Variants in UBA3 observed in about 807,000 individuals in gnomAD.
The protein encoded by UBA3 is NEDD8-activating enzyme E1 catalytic subunit.
UBA3 carries 26 observed loss-of-function variants against 73.5 expected under a neutral mutation model. The ratio of observed to expected loss-of-function variants is 0.35; its 90% CI spans 0.26 to 0.49. The LOEUF is 0.49. UBA3 is among the 20% of genes least tolerant of loss of function. UBA3 has a pLI of 0.98. For missense variants in UBA3, 495 were observed against 555.6 expected (o/e 0.89, Z 1.10); for synonymous variants, 217 against 191.2 (o/e 1.13, Z -1.11).
At chr3:69,057,212 TAAAG>T in intron 12 of UBA3, 40 bp downstream of exon 12, 1 of 1,593,106 alleles carries the variant, frequency 6.3e-7, no homozygotes, top group Non-Finnish European at 8.5e-7. Context: ...CGTCAAAAAC[TAAAG>T]AAAGCAAAAT....
At chr3:69,066,388 G>A (rs761903029) in intron 6 of UBA3, among the ~76,000 whole-genome samples, 34 of 151,912 alleles carry the variant, frequency 2.2e-4, no homozygotes, top group Non-Finnish European at 4.0e-4. Context: ...TGCTTTTGAC[G>A]TGGCCTAAGC....
At chr3:69,078,690 C>A (rs2092191199) in intron 2 of UBA3, among the ~76,000 whole-genome samples, 1 of 152,144 alleles carries the variant, frequency 6.6e-6, no homozygotes, top group South Asian at 2.1e-4. Flanking sequence ...ACAGGCTGGT[C>A]TGAAACTCCT....
At chr3:69,061,638 A>T in intron 11 of UBA3, 176 bp downstream of exon 11, 1 of 496,636 alleles carries the variant, frequency 2.0e-6, no homozygotes, top group East Asian at 3.1e-5. Context: ...TAAGTAAGTA[A>T]GATTCAATAA....
At chr3:69,064,897 AAAGC>A (rs2092055751) in intron 6 of UBA3, among the ~76,000 whole-genome samples, 1 of 152,226 alleles carries the variant, frequency 6.6e-6, no homozygotes, top group African/African-American at 2.4e-5. Context: ...AAATTTTTTA[AAAGC>A]AATACAGAGA....
intron 1 of UBA3, 40 bp downstream of exon 1, chr3:69,080,294 C>A: frequency 6.2e-7 from 1 of 1,602,564 alleles, no homozygotes; most frequent in Non-Finnish European, 8.5e-7. Flanking sequence ...CTCTCACAAC[C>A]CAGCCCAGCC....
At chr3:69,079,306 A>C (rs2092197814) in intron 2 of UBA3, among the ~76,000 whole-genome samples, 1 of 152,256 alleles carries the variant, frequency 6.6e-6, no homozygotes, top group African/African-American at 2.4e-5. Context: ...AAAGGCAGGA[A>C]AGAATGTGAA....
chr3:69,080,201 C>A (rs766678881), intron 1 of UBA3, 48 bp from the exon 2 acceptor site: 1 of 1,514,620 alleles, frequency 6.6e-7, no homozygotes, highest in Admixed American at 1.7e-5. Flanking sequence ...ACACACTGGG[C>A]GCCGCGAGGG....
rs2092206350 is a variant in UBA3, at chr3:69,080,153, C to T, written c.21G>A (p.Pro7=). Reference sequence around the variant, plus strand: ...CCTCTATTCTCCTTCTTTTCTTCTCCCTAAAAGAGAGAATAAAAGAAGGGT... The same window carrying T: ...CCTCTATTCTCCTTCTTTTCTTCTCTCTAAAAGAGAGAATAAAAGAAGGGT... The part of the protein sequence containing the change: MADGEE[P]EKKRRRIEEL... The change falls in exon 2 of 18, where the codon CCG becomes CCA. Residue 7 remains proline (P), a splice_region_variant and synonymous_variant. Coordinates refer to ENST00000361055, the MANE Select transcript of UBA3 (RefSeq NM_003968.4). The T allele has an allele frequency of 6.2e-7, 1 of 1,609,340 alleles. No individual in the cohort carries two copies. The highest frequency in any genetic ancestry group is 8.5e-7 in the Non-Finnish European group (1 of 1,178,904).
rs2091963415 is a variant in UBA3, at chr3:69,055,301, G to A, written c.*136C>T. On this transcript the variant is annotated 3_prime_UTR_variant, in exon 18 of 18. Coordinates refer to ENST00000361055, the MANE Select transcript of UBA3 (RefSeq NM_003968.4). The stretch of plus-strand genomic sequence containing the variant: ...TCTGTCTTCAAGGGAAGGTTACAAA[G>A]TTAAAAAAGAGTGGTTCATTATATA... 4 of 525,030 alleles carry A rather than the reference G, an allele frequency of 7.6e-6. No individual in the cohort carries two copies. Among genetic ancestry groups the A allele is most frequent in the South Asian group, 4.6e-5 (1 of 21,656 alleles). The allele number at this position is 525,030 out of a possible 1,614,324, so 32.5% of individuals were successfully genotyped here.
intron 2 of UBA3, chr3:69,079,805 T>G: frequency 2.5e-6 from 1 of 396,828 alleles, no homozygotes; most frequent in Non-Finnish European, 4.5e-6. Flanking sequence ...GCTCTGACAA[T>G]TTGGGATGGA....
Position 69,061,885 on chromosome 3 carries a change from C to A in UBA3, c.839G>T (p.Trp280Leu). ...LDGDDPEHIQ[W>L]IFQKSLERAS... Reference sequence around the variant, plus strand: ...TCTCTCTAGGGATTTTTGGAAAATCCATTGTATATGTTCAGGATCATCTCC... The same window carrying A: ...TCTCTCTAGGGATTTTTGGAAAATCAATTGTATATGTTCAGGATCATCTCC... Residue 280 changes from tryptophan to leucine, a missense_variant, in exon 11 of 18, where the codon TGG becomes TTG. Transcript: ENST00000361055. The A allele has an allele frequency of 6.2e-7, 1 of 1,609,540 alleles. No homozygotes were observed. The highest frequency in any genetic ancestry group is 8.5e-7 in the Non-Finnish European group (1 of 1,178,346).
chr3:69,055,972 A>T (rs199673266), intron 16 of UBA3, 28 bp downstream of exon 16: 24 of 1,597,724 alleles, frequency 1.5e-5, no homozygotes, highest in Admixed American at 7.1e-5. Flanking sequence ...TAATTTTCTG[A>T]AAAAAATTTA....
At chr3:69,069,120 T>C (rs2092099891) in intron 5 of UBA3, among the ~76,000 whole-genome samples, 1 of 152,222 alleles carries the variant, frequency 6.6e-6, no homozygotes, top group Middle Eastern at 3.2e-3. Context: ...ATTACTTTTT[T>C]CGTAACATAT....
At chr3:69,077,976 C>T in intron 2 of UBA3, 58 bp from the exon 3 acceptor site, 1 of 1,594,588 alleles carries the variant, frequency 6.3e-7, no homozygotes, top group Non-Finnish European at 8.5e-7. Flanking sequence ...ACCACACCTA[C>T]AACTATTATG....
At chr3:69,080,251 C>A in intron 1 of UBA3, 83 bp downstream of exon 1, 2 of 1,558,186 alleles carry the variant, frequency 1.3e-6, no homozygotes, top group Admixed American at 1.9e-5. Context: ...GTGGGGACCC[C>A]GGGTGGCGGC....
chr3:69,064,870 G>C (rs528774142), intron 6 of UBA3, among the ~76,000 whole-genome samples: 10 of 152,166 alleles, frequency 6.6e-5, no homozygotes, highest in African/African-American at 2.2e-4. Context: ...CTAAAGTTAA[G>C]ATAAATAGTC....
At chr3:69,056,888 G>C in intron 12 of UBA3, 73 bp from the exon 13 acceptor site, 1 of 1,485,090 alleles carries the variant, frequency 6.7e-7, no homozygotes, top group Non-Finnish European at 9.2e-7. Context: ...TTATAAATCA[G>C]AACAGATAAA....
chr3:69,067,935 C>T lies in UBA3; in HGVS notation c.421G>A (p.Val141Ile). 3.1e-6 allele frequency: 5 copies of T among 1,605,116 alleles called. No homozygotes were observed. Among genetic ancestry groups the T allele is most frequent in the Non-Finnish European group, 4.3e-6 (5 of 1,174,478 alleles). The change falls in exon 6 of 18, where the codon GTA (valine) becomes ATA (isoleucine). Residue 141 changes from valine to isoleucine, a missense_variant. By Grantham distance (29) the Val-to-Ile change is conservative (BLOSUM62 3). Transcript: ENST00000361055. Reference sequence around the variant, plus strand: ...TTTTTGTCAAAAGGATACGGAACTACATTGCAATTAGGAACTCTGTCATTT... The same window carrying T: ...TTTTTGTCAAAAGGATACGGAACTATATTGCAATTAGGAACTCTGTCATTT... Reference protein sequence around the residue: ...FLNDRVPNCNVVPHFNKIQDF... With the variant: ...FLNDRVPNCNIVPHFNKIQDF...
rs762374957 is a variant in UBA3, at chr3:69,075,417, G to GTA, written c.264+11_264+12dup. 1 of 1,332,494 alleles carries GTA rather than the reference G, an allele frequency of 7.5e-7. No homozygotes were observed. The highest frequency in any genetic ancestry group is 1.4e-5 in the South Asian group (1 of 68,994). The allele number at this position is 1,332,494 out of a possible 1,614,324, so 82.5% of individuals were successfully genotyped here. ...AAGAAAAAAATATTTATATATATATGTATATATATTACCAGATTTTTCAGG... is the reference window on the plus strand; with the variant it reads ...AAGAAAAAAATATTTATATATATATGTATATATATATTACCAGATTTTTCAGG... On this transcript the variant is annotated intron_variant, in intron 4 of 17. Coordinates refer to ENST00000361055, the MANE Select transcript of UBA3 (RefSeq NM_003968.4).
Sources: gnomAD v4.1 joint callset for allele counts (sites outside exome capture counted in the v4.1 genomes callset) on GRCh38, gnomAD v4.1.1 for gene constraint, MANE v1.5 for transcripts, NCBI Gene and HGNC (gene_info 2026-07-23, HGNC 2026-07-21) for gene names.